The following AGBL4 variants were observed in gnomAD, a reference collection of about 807,000 sequenced individuals.
AGBL4 encodes AGBL carboxypeptidase 4.
AGBL4 carries 58 observed loss-of-function variants against 66.4 expected under a neutral mutation model. The ratio of observed to expected loss-of-function variants is 0.87; its 90% CI spans 0.71 to 1.09. AGBL4 has a LOEUF of 1.09. AGBL4 is among the 50% of genes least tolerant of loss of function. The pLI is 0.00. For missense variants in AGBL4, 579 were observed against 631.0 expected, an observed-to-expected ratio of 0.92 and a Z score of 0.88; for synonymous variants, 234 against 222.9, an observed-to-expected ratio of 1.05 and a Z score of -0.44.
chr1:48,865,355 G>T (rs1377912201), intron 6 of AGBL4, among the ~76,000 whole-genome samples: 1 of 152,126 alleles, frequency 6.6e-6, no homozygotes, highest in East Asian at 1.9e-4. Context: ...CCACCTAGGG[G>T]GCTTCAGTTG....
At chr1:49,107,290 C>T (rs1645309992) in intron 4 of AGBL4, among the ~76,000 whole-genome samples, 1 of 151,952 alleles carries the variant, frequency 6.6e-6, no homozygotes, top group Admixed American at 6.6e-5. Flanking sequence ...ATGATTTTGC[C>T]CAACTGTAGG....
chr1:49,808,491 T>C (rs532687467), intron 2 of AGBL4, among the ~76,000 whole-genome samples: 3 of 152,256 alleles, frequency 2.0e-5, no homozygotes, highest in South Asian at 4.1e-4. Flanking sequence ...TTAATAAATA[T>C]AATAAGATTA....
chr1:49,841,876 A>G, intron 2 of AGBL4: 1 of 602,798 alleles, frequency 1.7e-6, no homozygotes. Context: ...CATTCCTGCC[A>G]GAAGCCAGGG....
At chr1:48,820,492 T>C (rs1214569703) in intron 6 of AGBL4, among the ~76,000 whole-genome samples, 1 of 152,176 alleles carries the variant, frequency 6.6e-6, no homozygotes, top group African/African-American at 2.4e-5. Context: ...TTGCCCTCCG[T>C]AATGTGGGTG....
At chr1:48,864,224 A>G (rs957577994) in intron 6 of AGBL4, among the ~76,000 whole-genome samples, 10 of 152,298 alleles carry the variant, frequency 6.6e-5, no homozygotes, top group Admixed American at 2.0e-4. Context: ...CATATATTAT[A>G]ACAGCAATAA....
intron 1 of AGBL4, among the ~76,000 whole-genome samples, chr1:49,962,447 A>T (rs1207065194): frequency 6.6e-6 from 1 of 152,154 alleles, no homozygotes; most frequent in Non-Finnish European, 1.5e-5. Flanking sequence ...TTCTAATGGC[A>T]TCATTTCATC....
intron 5 of AGBL4, among the ~76,000 whole-genome samples, chr1:48,884,451 G>T (rs957249645): frequency 3.4e-4 from 51 of 151,852 alleles, no homozygotes; most frequent in African/African-American, 1.2e-3. Context: ...CCCACAGTAG[G>T]TGATCACAAA....
chr1:49,139,646 T>C (rs1275918943), intron 4 of AGBL4, among the ~76,000 whole-genome samples: 1 of 152,168 alleles, frequency 6.6e-6, no homozygotes, highest in Non-Finnish European at 1.5e-5. Context: ...GTATAATAAT[T>C]GGTACTGGAT....
chr1:48,925,587 C>A (rs923155966), intron 5 of AGBL4, among the ~76,000 whole-genome samples: 1 of 152,048 alleles, frequency 6.6e-6, no homozygotes, highest in African/African-American at 2.4e-5. Context: ...GACAATTATT[C>A]TTCTTCCAAT....
chr1:49,869,978 T>A (rs960530219), intron 1 of AGBL4, among the ~76,000 whole-genome samples: 1 of 152,154 alleles, frequency 6.6e-6, no homozygotes, highest in Non-Finnish European at 1.5e-5. Flanking sequence ...CCCAACATAA[T>A]AAATGAAATG....
chr1:49,794,980 A>G (rs895789451), intron 2 of AGBL4, among the ~76,000 whole-genome samples: 1 of 151,950 alleles, frequency 6.6e-6, no homozygotes, highest in Admixed American at 6.6e-5. Flanking sequence ...AAGGAAATGA[A>G]TTGGAAAATA....
chr1:49,244,730 T>C (rs1383630888), intron 4 of AGBL4, among the ~76,000 whole-genome samples: 2 of 151,876 alleles, frequency 1.3e-5, no homozygotes, highest in African/African-American at 4.8e-5. Context: ...TAATAATAGA[T>C]GCCATTTATT....
chr1:49,356,454 G>A (rs1203753114), intron 3 of AGBL4, among the ~76,000 whole-genome samples: 3 of 152,134 alleles, frequency 2.0e-5, no homozygotes, highest in Non-Finnish European at 4.4e-5. Flanking sequence ...TCCTAAAGCA[G>A]ATTAATGTTA....
chr1:49,841,887 C>A (rs533772171), intron 2 of AGBL4: 12 of 621,896 alleles, frequency 1.9e-5, no homozygotes, highest in Admixed American at 4.1e-5. Context: ...GAAGCCAGGG[C>A]ATGACCCCTG....
chr1:49,655,460 T>C (rs551968449), intron 3 of AGBL4, among the ~76,000 whole-genome samples: 1 of 152,256 alleles, frequency 6.6e-6, no homozygotes, highest in East Asian at 1.9e-4. Context: ...ATTCTCTGTA[T>C]TTCCTGAATT....
rs761429157 is a variant in AGBL4, at chr1:49,341,852, C to T, written c.283-95988G>A. Among the ~76,000 whole-genome samples, 18 of 152,154 alleles carry T rather than the reference C, an allele frequency of 1.2e-4. 1 individual carries two copies. The highest frequency in any genetic ancestry group is 1.5e-4 in the Non-Finnish European group (10 of 68,022). ...TGAGCACCTCGCCTCCCTGACCCTG[C>T]GACAGGCAATGCTTTTCTCCCTCCC... On this transcript the variant is annotated intron_variant, in intron 3 of 13. Coordinates refer to ENST00000371839, the MANE Select transcript of AGBL4 (RefSeq NM_032785.4).
intron 1 of AGBL4, among the ~76,000 whole-genome samples, chr1:49,982,456 G>A (rs1312109598): frequency 6.6e-6 from 1 of 152,210 alleles, no homozygotes; most frequent in African/African-American, 2.4e-5. Context: ...AGAGGCCAAG[G>A]GGGTGCTGAG....
At chr1:49,028,609 T>G (rs1663932338) in intron 5 of AGBL4, among the ~76,000 whole-genome samples, 1 of 152,040 alleles carries the variant, frequency 6.6e-6, no homozygotes, top group Non-Finnish European at 1.5e-5. Context: ...GGAATTCCAA[T>G]AAGATTAATA....
intron 5 of AGBL4, among the ~76,000 whole-genome samples, chr1:49,034,293 A>C (rs1664464845): frequency 1.3e-5 from 2 of 152,124 alleles, no homozygotes; most frequent in South Asian, 4.1e-4. Flanking sequence ...ATTTGAACTA[A>C]AATGAATTTG....
Sources: gnomAD v4.1 joint callset for allele counts (sites outside exome capture counted in the v4.1 genomes callset) on GRCh38, gnomAD v4.1.1 for gene constraint, MANE v1.5 for transcripts, NCBI Gene and HGNC (gene_info 2026-07-23, HGNC 2026-07-21) for gene names.